Variants in FAF1 observed in about 807,000 individuals in gnomAD.
FAF1 encodes the protein Fas associated factor 1, also known as FAS-associated factor 1.
A neutral mutation model predicts 92.5 loss-of-function variants in FAF1; 25 were observed. The ratio of observed to expected loss-of-function variants is 0.27; its 90% CI spans 0.20 to 0.38. The LOEUF is 0.38. Ranked by LOEUF, FAF1 falls within the 10% of genes least tolerant of loss-of-function variation. FAF1 has a pLI of 1.00. For missense variants in FAF1, 636 were observed against 793.3 expected, an observed-to-expected ratio of 0.80 and a Z score of 2.38; for synonymous variants, 234 against 273.2, an observed-to-expected ratio of 0.86 and a Z score of 1.42.
At chr1:50,684,296 A>G (rs1656558013) in intron 7 of FAF1, among the ~76,000 whole-genome samples, 1 of 148,514 alleles carries the variant, frequency 6.7e-6, no homozygotes, top group Admixed American at 6.8e-5. Context: ...ACTCTGAAGC[A>G]GAAAGAAACT....
chr1:50,811,213 T>A (rs1398011712), intron 2 of FAF1, among the ~76,000 whole-genome samples: 1 of 151,898 alleles, frequency 6.6e-6, no homozygotes, highest in Non-Finnish European at 1.5e-5. Flanking sequence ...GGAGTGTGCA[T>A]CTGTAGTCCC....
At chr1:50,570,344 A>G (rs1487277652) in intron 12 of FAF1, among the ~76,000 whole-genome samples, 1 of 152,210 alleles carries the variant, frequency 6.6e-6, no homozygotes, top group Non-Finnish European at 1.5e-5. Context: ...AAAAACCCAC[A>G]TTGACCTCTC....
At chr1:50,507,078 C>T (rs1273562552) in intron 15 of FAF1, among the ~76,000 whole-genome samples, 1 of 152,188 alleles carries the variant, frequency 6.6e-6, no homozygotes. Flanking sequence ...TCCAGGACTA[C>T]TACCTTTTGT....
intron 12 of FAF1, among the ~76,000 whole-genome samples, chr1:50,570,799 C>T (rs550840927): frequency 6.6e-6 from 1 of 152,270 alleles, no homozygotes; most frequent in African/African-American, 2.4e-5. Flanking sequence ...ATTACAGTCA[C>T]AGATAAATGG....
chr1:50,604,994 A>G (rs955196323), intron 8 of FAF1, among the ~76,000 whole-genome samples: 1 of 152,224 alleles, frequency 6.6e-6, no homozygotes, highest in Non-Finnish European at 1.5e-5. Flanking sequence ...GGGACTCTCA[A>G]AATCAAGGAG....
chr1:50,861,291 A>G (rs1177962914), intron 1 of FAF1, among the ~76,000 whole-genome samples: 1 of 151,886 alleles, frequency 6.6e-6, no homozygotes, highest in Non-Finnish European at 1.5e-5. Context: ...GTATCCTCCT[A>G]TGGTGACATC....
intron 9 of FAF1, 69 bp from the exon 10 acceptor site, chr1:50,584,880 A>G (rs1483486025): frequency 8.6e-6 from 12 of 1,399,830 alleles, no homozygotes; most frequent in Non-Finnish European, 1.2e-5. Flanking sequence ...ATAAGTTATA[A>G]TAATAACAAC....
chr1:50,729,976 G>C (rs1284419225), intron 6 of FAF1, among the ~76,000 whole-genome samples: 1 of 152,022 alleles, frequency 6.6e-6, no homozygotes, highest in Non-Finnish European at 1.5e-5. Context: ...AGCCCAGATT[G>C]AGCCATTGCA....
chr1:50,746,300 T>A (rs1156813957), intron 4 of FAF1, among the ~76,000 whole-genome samples: 40 of 68,306 alleles, frequency 5.9e-4, no homozygotes, highest in East Asian at 1.7e-3. Flanking sequence ...ATATTTTTTT[T>A]TTTTTTTTTT....
At chr1:50,754,467 A>C (rs1659996183) in intron 4 of FAF1, among the ~76,000 whole-genome samples, 1 of 152,192 alleles carries the variant, frequency 6.6e-6, no homozygotes, top group Non-Finnish European at 1.5e-5. Flanking sequence ...TGTTCCCACT[A>C]AGCCTTTTGG....
intron 8 of FAF1, among the ~76,000 whole-genome samples, chr1:50,643,270 T>C (rs1427546312): frequency 6.6e-6 from 1 of 152,186 alleles, no homozygotes; most frequent in Non-Finnish European, 1.5e-5. Flanking sequence ...CAGATTACCT[T>C]TGATTAACAG....
chr1:50,855,538 T>C (rs557305494), intron 2 of FAF1, among the ~76,000 whole-genome samples: 36 of 151,984 alleles, frequency 2.4e-4, no homozygotes, highest in Non-Finnish European at 4.9e-4. Context: ...TCAGTGATAG[T>C]CATAATTTAT....
intron 1 of FAF1, among the ~76,000 whole-genome samples, chr1:50,887,540 G>C (rs1259367418): frequency 6.6e-6 from 1 of 152,110 alleles, no homozygotes; most frequent in Admixed American, 6.5e-5. Context: ...ATCCATCTTT[G>C]AATTAATTTT....
rs1230489338 is a variant in FAF1, at chr1:50,584,083, G to T, written c.968-368C>A. Among the ~76,000 whole-genome samples the T allele has an allele frequency of 4.6e-5, 7 of 152,076 alleles. No homozygotes were observed. In the East Asian group the frequency reaches 1.2e-3, roughly 25 times the overall value. On this transcript the variant is annotated intron_variant, in intron 10 of 18. Coordinates refer to ENST00000396153, the MANE Select transcript of FAF1 (RefSeq NM_007051.3). ...TAAATGGGTCTGATATTATTTTAAA[G>T]ACTTCATTAATTGGGAAAATAACCA...
intron 9 of FAF1, among the ~76,000 whole-genome samples, chr1:50,591,224 G>A (rs551724274): frequency 6.6e-5 from 10 of 152,232 alleles, no homozygotes; most frequent in African/African-American, 2.4e-4. Context: ...GTATTACATT[G>A]AGGATTCCAT....
chr1:50,535,721 T>C (rs1572815738), intron 14 of FAF1, among the ~76,000 whole-genome samples: 4 of 152,198 alleles, frequency 2.6e-5, no homozygotes, highest in South Asian at 2.1e-4. Context: ...TAGCACTATA[T>C]AGAAGAATGT....
intron 17 of FAF1, among the ~76,000 whole-genome samples, chr1:50,486,618 A>C (rs1646772809): frequency 6.6e-6 from 1 of 151,074 alleles, no homozygotes; most frequent in South Asian, 2.1e-4. Context: ...ATCCTGTGCT[A>C]TTTTAGTGGT....
At chr1:50,876,312 C>A (rs1297523768) in intron 1 of FAF1, among the ~76,000 whole-genome samples, 1 of 152,092 alleles carries the variant, frequency 6.6e-6, no homozygotes, top group East Asian at 1.9e-4. Flanking sequence ...ATCAAGAATA[C>A]CTAGTACCCA....
rs1646142743 is a variant in FAF1, at chr1:50,438,157, C to T, written c.*3283G>A. The stretch of plus-strand genomic sequence containing the variant: ...TTTAGGCAAGCCACTATCCTCTAAG[C>T]CCCTTGTGCAAAAATGGAATCATCA... On this transcript the variant is annotated 3_prime_UTR_variant, in exon 19 of 19. Coordinates refer to ENST00000396153, the MANE Select transcript of FAF1 (RefSeq NM_007051.3). 6.6e-6 allele frequency: 1 copy of T among 152,222 alleles called. No individual in the cohort carries two copies. The highest frequency in any genetic ancestry group is 1.9e-4 in the East Asian group (1 of 5,186). The allele number at this position is 152,222 out of a possible 1,614,324, so 9.4% of individuals were successfully genotyped here.
Sources: gnomAD v4.1 joint callset for allele counts (sites outside exome capture counted in the v4.1 genomes callset) on GRCh38, gnomAD v4.1.1 for gene constraint, MANE v1.5 for transcripts, NCBI Gene and HGNC (gene_info 2026-07-23, HGNC 2026-07-21) for gene names.